RARB: variants seen among roughly 807,000 people sequenced by gnomAD.
RARB encodes retinoic acid receptor beta.
Under a neutral mutation model 51.9 loss-of-function variants are expected in RARB, and 17 were observed. That is an observed-to-expected ratio of 0.33 (90% CI 0.22 to 0.49). RARB has a LOEUF of 0.49. Ranked by LOEUF, RARB falls within the 20% of genes least tolerant of loss-of-function variation. The pLI is 0.99. For missense variants in RARB, 369 were observed against 550.8 expected (o/e 0.67, Z 3.30); for synonymous variants, 215 against 195.4 (o/e 1.10, Z -0.84).
intron 3 of RARB, among the ~76,000 whole-genome samples, chr3:25,100,519 A>G (rs1279225849): frequency 6.6e-6 from 1 of 152,226 alleles, no homozygotes; most frequent in African/African-American, 2.4e-5. Flanking sequence ...GTATAGCCAG[A>G]GATCTGGTTC....
intron 1 of RARB, among the ~76,000 whole-genome samples, chr3:25,440,476 TA>T (rs1322161324): frequency 2.0e-5 from 3 of 149,428 alleles, no homozygotes; most frequent in South Asian, 2.1e-4. Flanking sequence ...GAAATTTATT[TA>T]AAAAAAAAAT....
At chr3:25,357,491 G>T (rs1194122979) in intron 5 of RARB, among the ~76,000 whole-genome samples, 1 of 152,074 alleles carries the variant, frequency 6.6e-6, no homozygotes, top group African/African-American at 2.4e-5. Flanking sequence ...AGTTTCTTTT[G>T]CTGTGCAGAA....
chr3:25,188,789 A>G (rs1429192453), intron 5 of RARB, among the ~76,000 whole-genome samples: 6 of 152,112 alleles, frequency 3.9e-5, no homozygotes, highest in Non-Finnish European at 5.9e-5. Flanking sequence ...GAATTCATTT[A>G]CTTATACATA....
chr3:25,521,197 C>T (rs1360604486), intron 3 of RARB, among the ~76,000 whole-genome samples: 1 of 152,168 alleles, frequency 6.6e-6, no homozygotes, highest in Non-Finnish European at 1.5e-5. Flanking sequence ...ATCTACAGAG[C>T]GTGTCTCCAG....
intron 3 of RARB, among the ~76,000 whole-genome samples, chr3:25,533,313 CATAG>C (rs1699004556): frequency 6.6e-6 from 1 of 152,046 alleles, no homozygotes; most frequent in African/African-American, 2.4e-5. Flanking sequence ...TATGAAATCC[CATAG>C]ATAAATATAT....
intron 2 of RARB, among the ~76,000 whole-genome samples, chr3:25,010,807 C>G (rs1697379320): frequency 1.3e-5 from 2 of 152,092 alleles, no homozygotes; most frequent in Non-Finnish European, 2.9e-5. Context: ...TCAGAATTAA[C>G]CACTCCTCCT....
chr3:25,136,785 C>G (rs531265707), intron 4 of RARB, among the ~76,000 whole-genome samples: 1 of 151,974 alleles, frequency 6.6e-6, no homozygotes, highest in South Asian at 2.1e-4. Flanking sequence ...GAGGGAAGGC[C>G]TTAGAAGAAC....
At chr3:25,020,732 G>A (rs1159887507) in intron 2 of RARB, among the ~76,000 whole-genome samples, 4 of 152,084 alleles carry the variant, frequency 2.6e-5, no homozygotes, top group Non-Finnish European at 5.9e-5. Context: ...AACACCTATA[G>A]AATGAATAAA....
chr3:25,483,541 T>A (rs542091595), intron 2 of RARB, among the ~76,000 whole-genome samples: 1 of 151,338 alleles, frequency 6.6e-6, no homozygotes, highest in Admixed American at 6.6e-5. Flanking sequence ...TTTTTTTTTT[T>A]TTTTTTCACT....
chr3:25,402,700 G>A (rs1370251462), intron 5 of RARB, among the ~76,000 whole-genome samples: 5 of 152,130 alleles, frequency 3.3e-5, no homozygotes, highest in Middle Eastern at 3.2e-3. Context: ...AATAAGCCAG[G>A]CGCAGAAAGA....
At chr3:25,089,000 C>A (rs781547015) in intron 3 of RARB, among the ~76,000 whole-genome samples, 3 of 151,912 alleles carry the variant, frequency 2.0e-5, no homozygotes, top group Non-Finnish European at 4.4e-5. Flanking sequence ...CCCCACCCTG[C>A]CCCCTTTAAG....
At chr3:25,433,802 C>T (rs752130699) in intron 1 of RARB, among the ~76,000 whole-genome samples, 4 of 152,112 alleles carry the variant, frequency 2.6e-5, no homozygotes, top group Non-Finnish European at 4.4e-5. Flanking sequence ...GCTTCCTTAC[C>T]CCATCATTAA....
Position 24,898,088 on chromosome 3 carries a change from A to G in RARB, c.-380+39336A>G, listed in dbSNP as rs116513106. On this transcript the variant is annotated intron_variant, in intron 2 of 11. Transcript: ENST00000383772. ...TTAAAAATAGATTATTTTTCACTTC[A>G]GGATAGAAAGGCCATGGAGTTAGGA... 7.2e-3 allele frequency among the ~76,000 whole-genome samples: 1,093 copies of G among 152,196 alleles called. 14 individuals are homozygous for G. Among genetic ancestry groups the G allele is most frequent in the African/African-American group, 0.025 (1,042 of 41,524 alleles).
chr3:25,004,437 G>A (rs1697227398), intron 2 of RARB, among the ~76,000 whole-genome samples: 1 of 152,108 alleles, frequency 6.6e-6, no homozygotes, highest in African/African-American at 2.4e-5. Context: ...AGCATCCAGT[G>A]GTGAAAGTCA....
chr3:25,424,551 A>C (rs1707938831), upstream of RARB, among the ~76,000 whole-genome samples: 1 of 152,160 alleles, frequency 6.6e-6, no homozygotes, highest in African/African-American at 2.4e-5. Context: ...ACAGGGAAAA[A>C]AAATTAAAAA....
intron 5 of RARB, among the ~76,000 whole-genome samples, chr3:25,371,994 C>A (rs1471774716): frequency 6.6e-6 from 1 of 151,990 alleles, no homozygotes; most frequent in Admixed American, 6.6e-5. Context: ...CAGCTGCCAC[C>A]GATAGTCTTA....
At chr3:25,409,082 G>A (rs966340651) in intron 5 of RARB, among the ~76,000 whole-genome samples, 11 of 152,262 alleles carry the variant, frequency 7.2e-5, no homozygotes, top group Middle Eastern at 3.4e-3. Context: ...GCTATTAAAT[G>A]CTCAAGTATG....
intron 1 of RARB, among the ~76,000 whole-genome samples, chr3:24,833,663 G>A (rs1004433315): frequency 6.6e-6 from 1 of 152,144 alleles, no homozygotes; most frequent in Non-Finnish European, 1.5e-5. Context: ...TCCTCATTTG[G>A]GGAAATGACA....
chr3:25,213,819 T>A (rs1181471635), intron 5 of RARB, among the ~76,000 whole-genome samples: 2 of 152,236 alleles, frequency 1.3e-5, no homozygotes, highest in African/African-American at 4.8e-5. Context: ...GAGGGCACCT[T>A]CCATAATGTA....
Sources: gnomAD v4.1 joint callset for allele counts (sites outside exome capture counted in the v4.1 genomes callset) on GRCh38, gnomAD v4.1.1 for gene constraint, MANE v1.5 for transcripts, NCBI Gene and HGNC (gene_info 2026-07-23, HGNC 2026-07-21) for gene names.